PHF8: variants seen among roughly 807,000 people sequenced by gnomAD.
PHF8 encodes the protein PHD finger protein 8.
PHF8 carries 9 observed loss-of-function variants against 74.4 expected under a neutral mutation model. The observed-to-expected ratio is 0.12, with a 90% confidence interval of 0.07 to 0.21. PHF8 has a LOEUF of 0.21. Ranked by LOEUF, PHF8 falls within the 10% of genes least tolerant of loss-of-function variation. The probability of loss-of-function intolerance (pLI) is 1.00; values close to 1 mark genes in which losing one functional copy is unlikely to be tolerated. For missense variants in PHF8, 478 were observed against 816.6 expected (o/e 0.59, Z 5.05); for synonymous variants, 311 against 316.6 (o/e 0.98, Z 0.19).
chrX:53,951,538 C>G (rs2149783180), intron 19 of PHF8, among the ~76,000 whole-genome samples: 1 of 110,638 alleles, frequency 9.0e-6, no homozygotes, highest in Admixed American at 9.6e-5. Context: ...GCAAGCTCTG[C>G]CGCCAGGGTT....
intron 19 of PHF8, among the ~76,000 whole-genome samples, chrX:53,955,557 C>CTTTTTTTTTTT (rs369969712): frequency 2.7e-4 from 20 of 72,882 alleles, no homozygotes; most frequent in South Asian, 8.1e-4. Flanking sequence ...CTCTTCTTTT[C>CTTTTTTTTTTT]TTTTTTTTTT....
intron 14 of PHF8, among the ~76,000 whole-genome samples, chrX:53,991,704 G>T (rs1164887876): frequency 1.0e-5 from 1 of 98,110 alleles, no homozygotes; most frequent in Non-Finnish European, 2.0e-5. Flanking sequence ...GGTATGAGAA[G>T]TATAAAATAT....
At chrX:53,954,397 G>A (rs1339368449) in intron 19 of PHF8, among the ~76,000 whole-genome samples, 11 of 105,086 alleles carry the variant, frequency 1.0e-4, no homozygotes, top group Non-Finnish European at 1.7e-4. Context: ...CTACTGGGGA[G>A]GCTGAGGCAG....
intron 19 of PHF8, among the ~76,000 whole-genome samples, chrX:53,956,158 C>T (rs781935596): frequency 4.5e-5 from 5 of 111,183 alleles, no homozygotes; most frequent in Non-Finnish European, 9.4e-5. Flanking sequence ...GCTGAGGCAG[C>T]AGAATCGCTT....
At position 54,005,695 on chromosome X, in the gene PHF8, G is replaced by A. The variant is rs141582910; in HGVS notation, c.947-3013C>T. Among the ~76,000 whole-genome samples the A allele has an allele frequency of 1.6e-3, 170 of 107,494 alleles. 2 individuals carry two copies. Among genetic ancestry groups the A allele is most frequent in the Non-Finnish European group, 2.5e-3 (131 of 52,140 alleles). The allele number at this position is 107,494 out of a possible 115,157, so 93.3% of individuals were successfully genotyped here. On this transcript the variant is annotated intron_variant, in intron 8 of 21. Transcript: ENST00000338154. ...TCTATAGGGGAAAAACAATTCAGAT[G>A]ATAGCCAAAATCTCATCAGAAACCA...
chrX:53,995,825 G>C (rs1447770862), intron 11 of PHF8, 43 bp from the exon 12 acceptor site: 1 of 848,237 alleles, frequency 1.2e-6, no homozygotes, highest in Non-Finnish European at 1.7e-6. Context: ...CACATAAAGA[G>C]ACAACTGATT....
intron 19 of PHF8, among the ~76,000 whole-genome samples, chrX:53,945,372 T>C (rs1302945620): frequency 9.7e-6 from 1 of 103,602 alleles, no homozygotes; most frequent in Admixed American, 1.1e-4. Flanking sequence ...TATCCGGCCA[T>C]GGTGGTGCAC....
chrX:53,939,271 A>T (rs782508396), intron 21 of PHF8, 25 bp from the exon 22 acceptor site: 1 of 1,173,568 alleles, frequency 8.5e-7, no homozygotes, highest in Non-Finnish European at 1.2e-6. Flanking sequence ...AAAAGTAAGC[A>T]AGGGCTTTGG....
chrX:53,996,949 G>A (rs1185661458), intron 11 of PHF8, among the ~76,000 whole-genome samples: 1 of 112,607 alleles, frequency 8.9e-6, no homozygotes, highest in Non-Finnish European at 1.9e-5. Context: ...GAAAAAAGTT[G>A]ATCAACTGGA....
At chrX:54,012,199 GA>G (rs1205390157) in intron 7 of PHF8, among the ~76,000 whole-genome samples, 1 of 110,543 alleles carries the variant, frequency 9.0e-6, no homozygotes, top group Non-Finnish European at 1.9e-5. Context: ...AATGTCTCAG[GA>G]AAAAAATATA....
intron 10 of PHF8, among the ~76,000 whole-genome samples, 176 bp downstream of exon 10, chrX:54,001,979 A>G (rs1557104329): frequency 9.0e-6 from 1 of 111,158 alleles, no homozygotes; most frequent in African/African-American, 3.3e-5. Flanking sequence ...AGCACTAATT[A>G]TCACTTTTTA....
At position 54,006,141 on chromosome X, in the gene PHF8, C is replaced by T. The variant is rs781791388; in HGVS notation, c.947-3459G>A. 3.6e-4 allele frequency among the ~76,000 whole-genome samples: 40 copies of T among 111,859 alleles called. No homozygotes were observed. The South Asian group carries it at 4.1e-3, about 11-fold the overall frequency. Reference sequence around the variant, plus strand: ...GACAAATACATGGAAAAATGTAAAACATGACTAATTGTAGAAAAATGCGAA... The same window carrying T: ...GACAAATACATGGAAAAATGTAAAATATGACTAATTGTAGAAAAATGCGAA... On this transcript the variant is annotated intron_variant, in intron 8 of 21. Coordinates refer to ENST00000338154, the MANE Select transcript of PHF8 (RefSeq NM_015107.3).
In PHF8 at chrX:54,042,732, C is replaced by T. The variant is rs782532619; in HGVS notation, c.-4G>A. 27 of 1,205,856 alleles carry T rather than the reference C, an allele frequency of 2.2e-5. No homozygotes were observed. In the Admixed American group the frequency reaches 3.7e-4, roughly 17 times the overall value. The stretch of plus-strand genomic sequence containing the variant: ...AATACACCGGCACCGAGGCCATCTT[C>T]GCTCGGCCCTGGAGCGTTCTGCGGC... On this transcript the variant is annotated 5_prime_UTR_variant, in exon 2 of 22. Coordinates refer to ENST00000338154, the MANE Select transcript of PHF8 (RefSeq NM_015107.3).
At chrX:54,014,715 C>T in intron 6 of PHF8, 152 bp from the exon 7 acceptor site, 1 of 484,156 alleles carries the variant, frequency 2.1e-6, no homozygotes, top group South Asian at 2.9e-5. Context: ...ACACTTATTT[C>T]TGTTCTGTAA....
chrX:54,030,808 C>T (rs782684484), intron 2 of PHF8, among the ~76,000 whole-genome samples: 3 of 112,185 alleles, frequency 2.7e-5, no homozygotes, highest in African/African-American at 9.7e-5. Context: ...GTTTGAATCT[C>T]ACCTCTGCCA....
At chrX:53,996,304 G>A (rs1397564849) in intron 11 of PHF8, among the ~76,000 whole-genome samples, 3 of 110,246 alleles carry the variant, frequency 2.7e-5, no homozygotes, top group Non-Finnish European at 3.8e-5. Flanking sequence ...TAGTAGATAC[G>A]GGGTTTCACC....
At chrX:53,967,350 G>A (rs781930555) in intron 18 of PHF8, among the ~76,000 whole-genome samples, 7 of 98,655 alleles carry the variant, frequency 7.1e-5, no homozygotes, top group Admixed American at 5.3e-4. Flanking sequence ...CAGCCGCCCC[G>A]TCCGGGAGGG....
At chrX:53,970,199 G>T (rs2065271722) in intron 18 of PHF8, among the ~76,000 whole-genome samples, 2 of 111,989 alleles carry the variant, frequency 1.8e-5, no homozygotes, top group Admixed American at 9.5e-5. Flanking sequence ...ACAACCCACA[G>T]AATGGGAGAA....
At chrX:53,969,330 T>A in intron 18 of PHF8, among the ~76,000 whole-genome samples, 1 of 110,048 alleles carries the variant, frequency 9.1e-6, no homozygotes, top group Middle Eastern at 4.7e-3. Context: ...TAACAGTGAA[T>A]GATCTAAAAA....
Sources: allele counts gnomAD v4.1 joint callset (sites outside exome capture counted in the v4.1 genomes callset), GRCh38; gene constraint gnomAD v4.1.1; transcripts MANE v1.5; gene names NCBI Gene and HGNC (gene_info 2026-07-23, HGNC 2026-07-21).